NRXN1: variants seen among roughly 807,000 people sequenced by gnomAD.
NRXN1 encodes neurexin 1, also known as neurexin-1.
In NRXN1, 39 loss-of-function variants were observed where a neutral mutation model predicts 150.9. That is an observed-to-expected ratio of 0.26 (90% CI 0.20 to 0.34). NRXN1 has a LOEUF of 0.34. NRXN1 is among the 10% of genes least tolerant of loss of function. NRXN1 has a pLI of 1.00. For synonymous variants in NRXN1, 924 were observed against 757.0 expected (o/e 1.22, Z -3.62); for missense variants, 1,815 against 1,949.9 (o/e 0.93, Z 1.30).
chr2:50,448,858 AC>A (rs1312034145), intron 17 of NRXN1, among the ~76,000 whole-genome samples: 1 of 152,178 alleles, frequency 6.6e-6, no homozygotes, highest in Non-Finnish European at 1.5e-5. Context: ...CAATTCTAAC[AC>A]TAAAATATAC....
chr2:50,655,972 A>T (rs1265943939), intron 5 of NRXN1, among the ~76,000 whole-genome samples: 3 of 152,006 alleles, frequency 2.0e-5, no homozygotes, highest in Admixed American at 6.6e-5. Flanking sequence ...CGATACAAAG[A>T]AATGGGAAAG....
At position 50,735,731 on chromosome 2, in the gene NRXN1, C is replaced by A. The variant is rs1518528; in HGVS notation, c.833-112116G>T. On this transcript the variant is annotated intron_variant, in intron 5 of 22. Coordinates refer to ENST00000401669, the MANE Select transcript of NRXN1 (RefSeq NM_001330078.2). ...GCTCACAAACACACAACACTCTTTT[C>A]TTAGGTCCAGATCCACATATTCACC... Among the ~76,000 whole-genome samples, 228 of 152,290 alleles carry A rather than the reference C, an allele frequency of 1.5e-3. 1 individual carries two copies. Among genetic ancestry groups the A allele is most frequent in the African/African-American group, 5.3e-3 (221 of 41,548 alleles).
intron 18 of NRXN1, among the ~76,000 whole-genome samples, chr2:50,130,293 T>C (rs1310531136): frequency 6.6e-6 from 1 of 152,102 alleles, no homozygotes; most frequent in African/African-American, 2.4e-5. Context: ...AATAAGGATG[T>C]TCTGAAGATG....
At chr2:50,639,030 A>T (rs1011780276) in intron 5 of NRXN1, among the ~76,000 whole-genome samples, 5 of 152,054 alleles carry the variant, frequency 3.3e-5, no homozygotes, top group African/African-American at 1.2e-4. Context: ...AAACTTTGGA[A>T]AACACAAACG....
At chr2:50,760,875 C>G (rs970870799) in intron 5 of NRXN1, among the ~76,000 whole-genome samples, 4 of 151,820 alleles carry the variant, frequency 2.6e-5, no homozygotes, top group Admixed American at 6.6e-5. Flanking sequence ...TAGCCAGCAC[C>G]ACAATCTATT....
intron 18 of NRXN1, among the ~76,000 whole-genome samples, chr2:50,176,220 A>G (rs1559033001): frequency 1.3e-5 from 2 of 152,182 alleles, no homozygotes; most frequent in Non-Finnish European, 2.9e-5. Flanking sequence ...ATGGTTTCAC[A>G]TATGTTTCAG....
intron 10 of NRXN1, 58 bp downstream of exon 10, chr2:50,538,195 C>G: frequency 6.4e-7 from 1 of 1,557,074 alleles, no homozygotes; most frequent in South Asian, 1.2e-5. Context: ...GGTTTGAGGT[C>G]AACATTTAAT....
chr2:50,070,132 G>A (rs930366864), intron 19 of NRXN1, among the ~76,000 whole-genome samples: 1 of 152,034 alleles, frequency 6.6e-6, no homozygotes, highest in Non-Finnish European at 1.5e-5. Context: ...TTACAGGTGT[G>A]AGCCACTGCG....
At chr2:50,098,873 T>TGGCTAG (rs1700636796) in intron 18 of NRXN1, among the ~76,000 whole-genome samples, 1 of 67,584 alleles carries the variant, frequency 1.5e-5, no homozygotes, top group Non-Finnish European at 3.0e-5. Context: ...TTTTTTTTTT[T>TGGCTAG]TTTTTTTTTG....
At chr2:50,796,129 G>A (rs565026422) in intron 5 of NRXN1, among the ~76,000 whole-genome samples, 3 of 152,140 alleles carry the variant, frequency 2.0e-5, no homozygotes, top group Admixed American at 1.3e-4. Flanking sequence ...AATAGGCTTG[G>A]TCTGGTTGCT....
At chr2:50,573,220 G>A (rs1224568933) in intron 8 of NRXN1, among the ~76,000 whole-genome samples, 5 of 151,902 alleles carry the variant, frequency 3.3e-5, no homozygotes, top group Non-Finnish European at 1.5e-5. Context: ...AAAAATAGTT[G>A]GACATGGTGA....
intron 1 of NRXN1, among the ~76,000 whole-genome samples, chr2:51,029,882 TA>T (rs1412149169): frequency 2.0e-5 from 3 of 152,158 alleles, no homozygotes; most frequent in Admixed American, 6.5e-5. Flanking sequence ...ATATTTTGCC[TA>T]AAAGTGTAGA....
chr2:49,999,252 G>C (rs965402417), intron 21 of NRXN1, among the ~76,000 whole-genome samples: 1 of 151,978 alleles, frequency 6.6e-6, no homozygotes, highest in Non-Finnish European at 1.5e-5. Flanking sequence ...CTATAAATAA[G>C]ATCTAAAAAT....
chr2:50,148,978 TGAAAGTC>T (rs1243228235), intron 18 of NRXN1, among the ~76,000 whole-genome samples: 1 of 151,698 alleles, frequency 6.6e-6, no homozygotes, highest in African/African-American at 2.4e-5. Context: ...ATCTCTGGGT[TGAAAGTC>T]TATTTGCCAG....
rs927863547 is a variant in NRXN1 at position 50,346,964 on chromosome 2, C to T, written c.3365-109994G>A. 7.3e-7 allele frequency: 1 copy of T among 1,367,658 alleles called. No homozygotes were observed. Among genetic ancestry groups the T allele is most frequent in the South Asian group, 1.4e-5 (1 of 69,612 alleles). The allele number at this position is 1,367,658 out of a possible 1,614,324, so 84.7% of individuals were successfully genotyped here. A position where few individuals can be genotyped will look rare whatever the true frequency, so the allele number is the denominator to read the frequency against. ...CTCTGGTACATGGCGGGGCGCCCGC[C>T]GAGGGGCAGCCGCCGCGGGAGGCAA... On this transcript the variant is annotated intron_variant, in intron 17 of 22. Transcript: ENST00000401669. This position sits in a 1 kb window ranked among gnomAD's most constrained non-coding sequence, Gnocchi z 5.0.
chr2:50,178,785 C>A (rs2060511070), intron 18 of NRXN1, among the ~76,000 whole-genome samples: 1 of 152,080 alleles, frequency 6.6e-6, no homozygotes, highest in Non-Finnish European at 1.5e-5. Flanking sequence ...TAAATATTTA[C>A]ATCAAGGTTT....
At chr2:50,923,163 A>T (rs988949940) in intron 3 of NRXN1, among the ~76,000 whole-genome samples, 2 of 151,848 alleles carry the variant, frequency 1.3e-5, no homozygotes, top group African/African-American at 2.4e-5. Context: ...TAAATGAAGA[A>T]AAAAAAATTG....
chr2:50,430,258 G>A (rs1434257363), intron 17 of NRXN1, among the ~76,000 whole-genome samples: 1 of 152,042 alleles, frequency 6.6e-6, no homozygotes, highest in African/African-American at 2.4e-5. Flanking sequence ...TTATGTTCCT[G>A]GGGTAGGGAC....
At chr2:50,152,970 A>C (rs1356475555) in intron 18 of NRXN1, among the ~76,000 whole-genome samples, 2 of 150,522 alleles carry the variant, frequency 1.3e-5, no homozygotes, top group Non-Finnish European at 3.0e-5. Flanking sequence ...CATTTGTTTG[A>C]TGGTGTTCTA....
Sources: gnomAD v4.1 joint callset for allele counts (sites outside exome capture counted in the v4.1 genomes callset) on GRCh38, gnomAD v4.1.1 for gene constraint, Gnocchi (gnomAD v3.1) non-coding constraint, MANE v1.5 for transcripts, NCBI Gene and HGNC (gene_info 2026-07-23, HGNC 2026-07-21) for gene names.